The following NUP210 variants were observed in gnomAD, a reference collection of about 807,000 sequenced individuals.
NUP210 encodes nucleoporin 210.
NUP210 carries 151 observed loss-of-function variants against 196.0 expected under a neutral mutation model. The ratio of observed to expected loss-of-function variants is 0.77; its 90% CI spans 0.67 to 0.88. The LOEUF (loss-of-function observed/expected upper bound fraction) is 0.88, where lower values mean the gene tolerates loss of function less well. Among genes scored for constraint, NUP210 ranks in the 40% least tolerant of loss-of-function variants. The pLI is 0.00. For synonymous variants in NUP210, 1,070 were observed against 1,052.7 expected, an observed-to-expected ratio of 1.02 and a Z score of -0.32; for missense variants, 2,314 against 2,493.7, an observed-to-expected ratio of 0.93 and a Z score of 1.53.
Position 13,348,778 on chromosome 3 carries a change from TC to T in NUP210, c.2835+3100del. 2.0e-6 allele frequency: 2 copies of T among 985,114 alleles called. No individual in the cohort carries two copies. The highest frequency in any genetic ancestry group is 2.4e-6 in the Non-Finnish European group (2 of 829,850). The allele number at this position is 985,114 out of a possible 1,614,324, so 61.0% of individuals were successfully genotyped here. ...GAAGAACAGGAACAGTGGGACTCCC[TC>T]CCCCTCCTTGAGGCACGGCGCTGAG... On this transcript the variant is annotated intron_variant, in intron 20 of 39. Coordinates refer to ENST00000254508, the MANE Select transcript of NUP210 (RefSeq NM_024923.4). The surrounding 1 kb of genome is among the most constrained non-coding windows in gnomAD (Gnocchi z 4.0).
At chr3:13,384,031 C>T (rs1361803136) in intron 6 of NUP210, among the ~76,000 whole-genome samples, 2 of 152,184 alleles carry the variant, frequency 1.3e-5, no homozygotes, top group Non-Finnish European at 2.9e-5. Flanking sequence ...GGCGCAATCT[C>T]GGCTCACTGC....
Position 13,330,652 on chromosome 3 carries a change from G to T in NUP210, c.3936-18C>A. The T allele has an allele frequency of 6.2e-7, 1 of 1,611,980 alleles. No individual in the cohort carries two copies. The highest frequency in any genetic ancestry group is 8.5e-7 in the Non-Finnish European group (1 of 1,178,720). The stretch of plus-strand genomic sequence containing the variant: ...CACCATCCCTTTGGAAAACAAAACA[G>T]AGCTGTTTTTGTAGATGGCAGCAGT... On this transcript the variant is annotated intron_variant, in intron 29 of 39. Coordinates refer to ENST00000254508, the MANE Select transcript of NUP210 (RefSeq NM_024923.4).
At chr3:13,419,953 C>T (rs1313862288) in intron 1 of NUP210, 107 bp downstream of exon 1, 3 of 692,434 alleles carry the variant, frequency 4.3e-6, no homozygotes, top group Admixed American at 1.1e-4. Context: ...AGCGAGAGCG[C>T]GCCGCGCACC....
chr3:13,342,194 ACTTT>A, intron 21 of NUP210, 71 bp from the exon 22 acceptor site: 1 of 1,576,666 alleles, frequency 6.3e-7, no homozygotes, highest in East Asian at 2.2e-5. Flanking sequence ...GTGCTCCGTG[ACTTT>A]CTGAGATAGC....
chr3:13,338,003 T>C, intron 25 of NUP210, 86 bp from the exon 26 acceptor site: 1 of 1,288,838 alleles, frequency 7.8e-7, no homozygotes, highest in South Asian at 1.3e-5. Flanking sequence ...GGAAGCAGGC[T>C]GCGGCTCAGA....
chr3:13,325,495 C>T (rs1696711553), intron 33 of NUP210, among the ~76,000 whole-genome samples: 1 of 152,136 alleles, frequency 6.6e-6, no homozygotes, highest in South Asian at 2.1e-4. Context: ...AGCACCGGCT[C>T]CCAGGAAGTG....
chr3:13,318,304 C>A (rs112762568), intron 39 of NUP210, among the ~76,000 whole-genome samples: 1 of 152,212 alleles, frequency 6.6e-6, no homozygotes, highest in Non-Finnish European at 1.5e-5. Context: ...GCACCCGTGG[C>A]CTCCCCTGGG....
intron 20 of NUP210, chr3:13,351,611 T>C: frequency 2.7e-6 from 1 of 368,294 alleles, no homozygotes; most frequent in African/African-American, 2.1e-5. Context: ...CTCAGGTTCC[T>C]GTGTAGCTGG....
At chr3:13,404,731 T>G (rs1699949743) in intron 1 of NUP210, among the ~76,000 whole-genome samples, 1 of 152,194 alleles carries the variant, frequency 6.6e-6, no homozygotes. Flanking sequence ...CTCACAGCTT[T>G]CCAGGATGGG....
chr3:13,321,633 A>G lies in NUP210; in HGVS notation c.5118T>C (p.Ser1706=), dbSNP rs1041151333. 6 of 1,613,904 alleles carry G rather than the reference A, an allele frequency of 3.7e-6. No homozygotes were observed. Among genetic ancestry groups the G allele is most frequent in the Non-Finnish European group, 5.1e-6 (6 of 1,179,998 alleles). ...GGGCACCAAAGACCCTGATCTCGGA[A>G]CTGGTGTAGTGGTTGCTCAAAAGGA... ...AEILLSNHYT[S]SEIRVFGAPE... Residue 1706 remains serine, a synonymous_variant, in exon 36 of 40, where the codon AGT becomes AGC. Coordinates refer to ENST00000254508, the MANE Select transcript of NUP210 (RefSeq NM_024923.4).
chr3:13,333,027 G>A (rs541807811), intron 28 of NUP210, among the ~76,000 whole-genome samples: 2 of 152,280 alleles, frequency 1.3e-5, no homozygotes, highest in South Asian at 2.1e-4. Context: ...AACAACCCCC[G>A]TTCCACCTCC....
rs1220066922 is a variant in NUP210 at position 13,379,480 on chromosome 3, C to T, written c.976+83G>A. On this transcript the variant is annotated intron_variant, in intron 7 of 39. Transcript: ENST00000254508. This position sits in a 1 kb window ranked among gnomAD's most constrained non-coding sequence, Gnocchi z 4.2. The stretch of plus-strand genomic sequence containing the variant: ...GGGAAACGGCTATTTTTAGCCCTGC[C>T]GAGCTTTCAGGGAAAAAAAGACTTG... The T allele has an allele frequency of 1.0e-5, 16 of 1,551,900 alleles. No homozygotes were observed. Among genetic ancestry groups the T allele is most frequent in the Admixed American group, 6.9e-5 (4 of 58,370 alleles).
In NUP210 at chr3:13,317,777, G is replaced by T. The variant is rs755352653; in HGVS notation, c.5568C>A (p.Phe1856Leu). The T allele has an allele frequency of 6.2e-7, 1 of 1,605,718 alleles. No homozygotes were observed. The highest frequency in any genetic ancestry group is 8.5e-7 in the Non-Finnish European group (1 of 1,175,500). Residue 1856 changes from phenylalanine (F) to leucine (L), a missense_variant, in exon 40 of 40, where the codon TTC becomes TTA. Transcript: ENST00000254508. ...RASPGHSPHY[F>L]AASSPTSPNA... is the part of the protein sequence containing the mutation. ...TGGGAGATGTGGGTGATGAGGCAGC[G>T]AAATCTAGGGTGGGAAGAGAGACGA...
chr3:13,348,287 G>C lies in NUP210; in HGVS notation c.2835+3592C>G. ...TTCTGCTCAAATGCCTCCAGAGACA[G>C]GGAGCTCACTACCTACAGCGGCAGC... On this transcript the variant is annotated intron_variant, in intron 20 of 39. Transcript: ENST00000254508. The surrounding 1 kb of genome is among the most constrained non-coding windows in gnomAD (Gnocchi z 4.0). The C allele has an allele frequency of 1.0e-5, 7 of 682,188 alleles. No individual in the cohort carries two copies. Among genetic ancestry groups the C allele is most frequent in the Non-Finnish European group, 1.3e-5 (7 of 553,176 alleles). The allele number at this position is 682,188 out of a possible 1,614,324, so 42.3% of individuals were successfully genotyped here.
chr3:13,418,948 CAAAAA>C (rs112826426), intron 1 of NUP210, among the ~76,000 whole-genome samples: 137 of 52,490 alleles, frequency 2.6e-3, no homozygotes, highest in African/African-American at 6.9e-3. Flanking sequence ...AACTCCGTCT[CAAAAA>C]AAAAAAAAAA....
intron 16 of NUP210, among the ~76,000 whole-genome samples, chr3:13,356,124 C>G (rs1355146812): frequency 6.6e-6 from 1 of 152,158 alleles, no homozygotes; most frequent in African/African-American, 2.4e-5. Flanking sequence ...AACTGGTGCC[C>G]ACCCACAGTG....
At chr3:13,377,360 TG>T in intron 9 of NUP210, 95 bp downstream of exon 9, 5 of 851,354 alleles carry the variant, frequency 5.9e-6, no homozygotes, top group Non-Finnish European at 5.9e-6. Context: ...TCAGCCTGCA[TG>T]GGGGCTCCTG....
chr3:13,364,254 G>C (rs551913453), intron 14 of NUP210, among the ~76,000 whole-genome samples: 1 of 152,280 alleles, frequency 6.6e-6, no homozygotes, highest in East Asian at 1.9e-4. Context: ...TGCAACTCTA[G>C]GGCCTGCAGA....
chr3:13,375,096 T>C (rs1161501343), intron 11 of NUP210, among the ~76,000 whole-genome samples: 1 of 152,064 alleles, frequency 6.6e-6, no homozygotes. Flanking sequence ...TAAACATTAA[T>C]GAAATTCAAA....
Sources: allele counts gnomAD v4.1 joint callset (sites outside exome capture counted in the v4.1 genomes callset), GRCh38; gene constraint gnomAD v4.1.1; non-coding constraint Gnocchi (gnomAD v3.1); transcripts MANE v1.5; gene names NCBI Gene and HGNC (gene_info 2026-07-23, HGNC 2026-07-21).